The following NBAS variants were observed in gnomAD, a reference collection of about 807,000 sequenced individuals.
NBAS encodes the protein NBAS subunit of NRZ tethering complex, also known as NAG/BC035112 fusion.
NBAS carries 219 observed loss-of-function variants against 302.5 expected under a neutral mutation model. The observed-to-expected ratio is 0.72, with a 90% CI of 0.65 to 0.81. NBAS has a LOEUF of 0.81. Among genes scored for constraint, NBAS ranks in the 30% least tolerant of loss-of-function variants. The pLI is 0.00. For missense variants in NBAS, 2,932 were observed against 2,841.6 expected, an observed-to-expected ratio of 1.03 and a Z score of -0.72; for synonymous variants, 1,118 against 1,021.6, an observed-to-expected ratio of 1.09 and a Z score of -1.80.
chr2:15,513,097 T>C (rs139314448), intron 9 of NBAS, among the ~76,000 whole-genome samples: 13 of 152,344 alleles, frequency 8.5e-5, no homozygotes, highest in African/African-American at 3.1e-4. Flanking sequence ...TTATGGAATG[T>C]AGCCCAACTC....
At chr2:15,207,567 T>C (rs777419378) in intron 48 of NBAS, among the ~76,000 whole-genome samples, 8 of 152,138 alleles carry the variant, frequency 5.3e-5, no homozygotes, top group Non-Finnish European at 8.8e-5. Context: ...CCCACCCAAA[T>C]TGCAACTCAA....
At chr2:14,970,409 G>C in the NBAS span, among the ~76,000 whole-genome samples, 1 of 152,124 alleles carries the variant, frequency 6.6e-6, no homozygotes, top group African/African-American at 2.4e-5. Flanking sequence ...CTCCATCACT[G>C]AACAAGTAAA....
chr2:15,250,671 A>G (rs890902903), intron 44 of NBAS, among the ~76,000 whole-genome samples: 5 of 152,248 alleles, frequency 3.3e-5, no homozygotes, highest in Admixed American at 2.0e-4. Context: ...ACACATCTCA[A>G]AAGTAGACAT....
intron 19 of NBAS, among the ~76,000 whole-genome samples, 158 bp from the exon 20 acceptor site, chr2:15,461,949 C>T (rs535485662): frequency 6.6e-6 from 1 of 152,176 alleles, no homozygotes; most frequent in Non-Finnish European, 1.5e-5. Flanking sequence ...ACTACATCTG[C>T]ATTATTGCCT....
intron 11 of NBAS, among the ~76,000 whole-genome samples, chr2:15,490,015 T>C (rs1172703022): frequency 6.6e-6 from 1 of 152,120 alleles, no homozygotes; most frequent in Non-Finnish European, 1.5e-5. Context: ...CAACAGAACT[T>C]GGTAGCAGAT....
chr2:14,829,758 A>G, the NBAS span, among the ~76,000 whole-genome samples: 2,267 of 152,324 alleles, frequency 0.015, 65 homozygotes, highest in African/African-American at 0.05. Flanking sequence ...CATTTGCCAC[A>G]AGGCTTACCT....
chr2:15,136,604 C>T, the NBAS span, among the ~76,000 whole-genome samples: 1 of 152,174 alleles, frequency 6.6e-6, no homozygotes, highest in African/African-American at 2.4e-5. Context: ...TCCTTACCCC[C>T]CTGGTGATGG....
intron 19 of NBAS, among the ~76,000 whole-genome samples, chr2:15,466,285 C>A (rs7589238): frequency 0.61 from 92,213 of 151,876 alleles, 28,942 homozygotes; most frequent in Non-Finnish European, 0.68. Context: ...CCAAGAGCTG[C>A]GAGGCACACA....
the NBAS span, among the ~76,000 whole-genome samples, chr2:14,806,698 C>T: frequency 6.6e-6 from 1 of 152,172 alleles, no homozygotes; most frequent in Admixed American, 6.5e-5. Flanking sequence ...AAATCTAAAT[C>T]ATTGTCCTGA....
At chr2:14,982,314 C>A in the NBAS span, among the ~76,000 whole-genome samples, 1 of 152,146 alleles carries the variant, frequency 6.6e-6, no homozygotes, top group Non-Finnish European at 1.5e-5. Flanking sequence ...GCACACGGCA[C>A]AGAAGAACAA....
At chr2:15,330,936 A>G (rs1241355305) in intron 35 of NBAS, among the ~76,000 whole-genome samples, 171 bp from the exon 36 acceptor site, 1 of 152,216 alleles carries the variant, frequency 6.6e-6, no homozygotes, top group Non-Finnish European at 1.5e-5. Flanking sequence ...GAGCACTATC[A>G]ACATATTGTT....
the NBAS span, among the ~76,000 whole-genome samples, chr2:14,861,156 A>C: frequency 6.6e-6 from 1 of 152,182 alleles, no homozygotes; most frequent in Non-Finnish European, 1.5e-5. Context: ...CCATACTTTG[A>C]GTTCTATGCA....
chr2:14,856,337 A>C, the NBAS span, among the ~76,000 whole-genome samples: 1 of 152,346 alleles, frequency 6.6e-6, no homozygotes, highest in African/African-American at 2.4e-5. Flanking sequence ...GCTACAAATA[A>C]GTCCAGACAG....
intron 45 of NBAS, among the ~76,000 whole-genome samples, chr2:15,236,618 A>G (rs991902872): frequency 4.6e-5 from 7 of 151,222 alleles, no homozygotes; most frequent in Non-Finnish European, 8.8e-5. Flanking sequence ...TATATTAAAA[A>G]ATAATATAAG....
intron 44 of NBAS, 122 bp from the exon 45 acceptor site, chr2:15,238,808 G>C (rs1461370233): frequency 1.2e-6 from 1 of 820,282 alleles, no homozygotes; most frequent in Non-Finnish European, 1.8e-6. Flanking sequence ...CCAATAAATA[G>C]CACTTGTTAT....
chr2:15,058,084 C>A, the NBAS span, among the ~76,000 whole-genome samples: 3 of 152,186 alleles, frequency 2.0e-5, no homozygotes, highest in African/African-American at 7.2e-5. Context: ...CCAGCAATCC[C>A]ACTACTGGGT....
chr2:15,025,687 T>TG, the NBAS span, among the ~76,000 whole-genome samples: 1 of 152,168 alleles, frequency 6.6e-6, no homozygotes, highest in Non-Finnish European at 1.5e-5. Flanking sequence ...ACCTCCCTGA[T>TG]TATCTGTATT....
chr2:15,049,483 C>A, the NBAS span, among the ~76,000 whole-genome samples: 42 of 152,302 alleles, frequency 2.8e-4, no homozygotes, highest in African/African-American at 9.1e-4. Context: ...CCTGATGTGG[C>A]CCTTCTGAGC....
At chr2:15,159,754 C>A in the NBAS span, among the ~76,000 whole-genome samples, 7 of 151,608 alleles carry the variant, frequency 4.6e-5, no homozygotes, top group Non-Finnish European at 1.0e-4. Flanking sequence ...GTTAAACTGG[C>A]AAATTTTATG....
Sources: gnomAD v4.1 joint callset for allele counts (sites outside exome capture counted in the v4.1 genomes callset) on GRCh38, gnomAD v4.1.1 for gene constraint, MANE v1.5 for transcripts, NCBI Gene and HGNC (gene_info 2026-07-23, HGNC 2026-07-21) for gene names.